NXPH1: variants seen among roughly 807,000 people sequenced by gnomAD.
NXPH1 encodes the protein neurexophilin-1.
Under a neutral mutation model 23.7 loss-of-function variants are expected in NXPH1, and 5 were observed. That is an observed-to-expected ratio of 0.21 (90% CI 0.11 to 0.44). The LOEUF is 0.44. Among genes scored for constraint, NXPH1 ranks in the 20% least tolerant of loss-of-function variants. The pLI is 0.99. For missense variants in NXPH1, 324 were observed against 321.6 expected (o/e 1.01, Z -0.06); for synonymous variants, 144 against 122.2 (o/e 1.18, Z -1.18).
chr7:8,562,548 G>A (rs1353555408), intron 2 of NXPH1, among the ~76,000 whole-genome samples: 8 of 149,264 alleles, frequency 5.4e-5, no homozygotes, highest in African/African-American at 9.9e-5. Context: ...TCTTTAAACC[G>A]TAACTTTCTT....
At chr7:8,564,250 AGCC>A (rs1818501027) in intron 2 of NXPH1, among the ~76,000 whole-genome samples, 1 of 151,832 alleles carries the variant, frequency 6.6e-6, no homozygotes, top group Admixed American at 6.6e-5. Context: ...AACAGATTCA[AGCC>A]AATTGCAAAA....
rs148926391 is a variant in NXPH1 at position 8,502,837 on chromosome 7, A to T, written c.54+67070A>T. On this transcript the variant is annotated intron_variant, in intron 2 of 2. Transcript: ENST00000405863. ...CTGGAGTGCTGGAGAAGCTGTTCACAGAGATGGGCTGGGCCTCCGAATGTG... is the reference window on the plus strand; with the variant it reads ...CTGGAGTGCTGGAGAAGCTGTTCACTGAGATGGGCTGGGCCTCCGAATGTG... Among the ~76,000 whole-genome samples the T allele has an allele frequency of 5.7e-3, 862 of 151,916 alleles. 1 individual carries two copies. Among genetic ancestry groups the T allele is most frequent in the Middle Eastern group, 0.014 (4 of 294 alleles).
chr7:8,466,587 AC>A (rs1234171232), intron 2 of NXPH1, among the ~76,000 whole-genome samples: 1 of 152,168 alleles, frequency 6.6e-6, no homozygotes, highest in Non-Finnish European at 1.5e-5. Context: ...ACTCGAAGGG[AC>A]ATTGTAAATT....
intron 2 of NXPH1, among the ~76,000 whole-genome samples, chr7:8,734,511 G>C (rs947052084): frequency 4.6e-5 from 7 of 152,182 alleles, no homozygotes; most frequent in African/African-American, 1.4e-4. Flanking sequence ...CATGAGCATG[G>C]AATGTTTTTC....
chr7:8,612,654 A>G (rs1199228704), intron 2 of NXPH1, among the ~76,000 whole-genome samples: 2 of 151,954 alleles, frequency 1.3e-5, no homozygotes, highest in Admixed American at 1.3e-4. Flanking sequence ...TTCCATGTTT[A>G]TATTCTTATT....
At chr7:8,524,682 G>T (rs1333239994) in intron 2 of NXPH1, among the ~76,000 whole-genome samples, 1 of 152,136 alleles carries the variant, frequency 6.6e-6, no homozygotes, top group Admixed American at 6.5e-5. Context: ...AATCATGGGG[G>T]CCGATCTTTC....
intron 2 of NXPH1, among the ~76,000 whole-genome samples, chr7:8,480,021 T>C (rs945842489): frequency 2.0e-5 from 3 of 152,096 alleles, no homozygotes; most frequent in Non-Finnish European, 4.4e-5. Context: ...TAGAAATGTA[T>C]ACAAGTGATA....
At chr7:8,605,164 G>T (rs1819456642) in intron 2 of NXPH1, among the ~76,000 whole-genome samples, 1 of 152,054 alleles carries the variant, frequency 6.6e-6, no homozygotes, top group East Asian at 1.9e-4. Context: ...CCTTATATTT[G>T]ATGTGTGGAA....
At chr7:8,661,379 C>T (rs2189624) in intron 2 of NXPH1, among the ~76,000 whole-genome samples, 1 of 151,974 alleles carries the variant, frequency 6.6e-6, no homozygotes, top group Non-Finnish European at 1.5e-5. Context: ...ACTCAGACTT[C>T]TCAAAATAGT....
At chr7:8,645,556 C>A (rs745883175) in intron 2 of NXPH1, among the ~76,000 whole-genome samples, 18 of 151,576 alleles carry the variant, frequency 1.2e-4, no homozygotes. Context: ...AGGTATCAAC[C>A]CTTTTTTGAT....
intron 2 of NXPH1, among the ~76,000 whole-genome samples, chr7:8,693,390 G>A (rs1043535849): frequency 2.0e-5 from 3 of 152,132 alleles, no homozygotes; most frequent in African/African-American, 7.2e-5. Flanking sequence ...TTGCCTTTGA[G>A]TCTCAATTTT....
Position 8,735,376 on chromosome 7 carries a change from G to C in NXPH1, c.55-15632G>C, listed in dbSNP as rs150573186. On this transcript the variant is annotated intron_variant, in intron 2 of 2. Coordinates refer to ENST00000405863, the MANE Select transcript of NXPH1 (RefSeq NM_152745.3). ...AGGGTTGAGTTTTATTGAAGGCCTT[G>C]AGCAGGTATTGAGATAATCATGTGG... Among the ~76,000 whole-genome samples the C allele has an allele frequency of 7.3e-5, 11 of 151,602 alleles. No homozygotes were observed. The East Asian group carries it at 1.7e-3, about 24-fold the overall frequency.
At chr7:8,501,992 G>A (rs1817444470) in intron 2 of NXPH1, among the ~76,000 whole-genome samples, 1 of 151,770 alleles carries the variant, frequency 6.6e-6, no homozygotes, top group Non-Finnish European at 1.5e-5. Flanking sequence ...TCTGAGTTTG[G>A]AGTGATCTTG....
intron 2 of NXPH1, among the ~76,000 whole-genome samples, chr7:8,637,963 A>G (rs188169899): frequency 3.3e-5 from 5 of 152,338 alleles, no homozygotes; most frequent in African/African-American, 1.2e-4. Context: ...TAGGAATCCA[A>G]GTCTAGACTA....
chr7:8,604,254 A>G (rs577488439), intron 2 of NXPH1, among the ~76,000 whole-genome samples: 5 of 152,236 alleles, frequency 3.3e-5, no homozygotes, highest in South Asian at 2.1e-4. Context: ...TGTTGATTCA[A>G]TGTTCTCTGC....
At chr7:8,700,338 C>T (rs1027376792) in intron 2 of NXPH1, among the ~76,000 whole-genome samples, 1 of 152,068 alleles carries the variant, frequency 6.6e-6, no homozygotes, top group African/African-American at 2.4e-5. Flanking sequence ...AAAATTAAAT[C>T]AGGCTTCATT....
chr7:8,573,373 A>G (rs1818688716), intron 2 of NXPH1, among the ~76,000 whole-genome samples: 1 of 152,120 alleles, frequency 6.6e-6, no homozygotes, highest in South Asian at 2.1e-4. Flanking sequence ...TTAAGGGTAT[A>G]AAACGACATG....
At chr7:8,715,376 T>C (rs1247961232) in intron 2 of NXPH1, among the ~76,000 whole-genome samples, 1 of 152,196 alleles carries the variant, frequency 6.6e-6, no homozygotes, top group African/African-American at 2.4e-5. Flanking sequence ...TTCAGTGATA[T>C]GAAGTTGAAA....
intron 2 of NXPH1, among the ~76,000 whole-genome samples, chr7:8,458,368 C>A (rs1816635978): frequency 6.6e-6 from 1 of 152,188 alleles, no homozygotes; most frequent in African/African-American, 2.4e-5. Context: ...CCATAATTAA[C>A]ACATTGATAG....
Sources: gnomAD v4.1 joint callset for allele counts (sites outside exome capture counted in the v4.1 genomes callset) on GRCh38, gnomAD v4.1.1 for gene constraint, MANE v1.5 for transcripts, NCBI Gene and HGNC (gene_info 2026-07-23, HGNC 2026-07-21) for gene names.